Variants in BEND6 observed in about 807,000 individuals in gnomAD.
BEND6 encodes BEN domain containing 6.
A neutral mutation model predicts 31.8 loss-of-function variants in BEND6; 24 were observed. The observed-to-expected ratio is 0.75, with a 90% CI of 0.55 to 1.06. The LOEUF (loss-of-function observed/expected upper bound fraction) is 1.06. Among genes scored for constraint, BEND6 ranks in the 50% least tolerant of loss-of-function variants. The probability of loss-of-function intolerance (pLI) is 0.00; values close to 1 mark genes in which losing one functional copy is unlikely to be tolerated. For missense variants in BEND6, 294 were observed against 327.4 expected (o/e 0.90, Z 0.79); for synonymous variants, 109 against 114.6 (o/e 0.95, Z 0.31).
intron 3 of BEND6, among the ~76,000 whole-genome samples, chr6:56,995,202 ATAC>A (rs1399781044): frequency 6.6e-6 from 1 of 151,538 alleles, no homozygotes; most frequent in Non-Finnish European, 1.5e-5. Context: ...AGTATCAAAC[ATAC>A]TATTATTTCT....
chr6:57,001,441 G>A (rs372960056), intron 3 of BEND6, among the ~76,000 whole-genome samples: 4 of 152,050 alleles, frequency 2.6e-5, no homozygotes, highest in African/African-American at 7.2e-5. Flanking sequence ...GGGATTACAG[G>A]CATGAGCCAC....
At chr6:56,980,391 G>T (rs1826026827) in intron 1 of BEND6, among the ~76,000 whole-genome samples, 1 of 152,160 alleles carries the variant, frequency 6.6e-6, no homozygotes. Flanking sequence ...GTTTCACCAT[G>T]TTGCCTAGGC....
At chr6:56,960,757 G>T (rs1562532643) in intron 1 of BEND6, among the ~76,000 whole-genome samples, 1 of 152,162 alleles carries the variant, frequency 6.6e-6, no homozygotes, top group Non-Finnish European at 1.5e-5. Context: ...ATTAGTAAAA[G>T]ATGTATTAAT....
chr6:56,996,280 C>G (rs138501772), intron 3 of BEND6, among the ~76,000 whole-genome samples: 63 of 152,160 alleles, frequency 4.1e-4, no homozygotes, highest in African/African-American at 1.5e-3. Context: ...AACTCCATCT[C>G]TACTCAAAAT....
intron 1 of BEND6, among the ~76,000 whole-genome samples, chr6:56,962,974 C>G (rs1825342164): frequency 6.6e-6 from 1 of 152,188 alleles, no homozygotes; most frequent in South Asian, 2.1e-4. Flanking sequence ...CTCATTCAAT[C>G]CTCACAGCAG....
chr6:56,991,226 C>A (rs1444912166), intron 2 of BEND6, among the ~76,000 whole-genome samples: 1 of 152,080 alleles, frequency 6.6e-6, no homozygotes, highest in East Asian at 1.9e-4. Flanking sequence ...TTTTTTACTT[C>A]TTTCATAAAG....
intron 3 of BEND6, among the ~76,000 whole-genome samples, chr6:57,012,988 G>A (rs368000312): frequency 1.3e-5 from 2 of 152,260 alleles, no homozygotes; most frequent in African/African-American, 4.8e-5. Context: ...GATGAATCTT[G>A]ACTTCCTCAG....
chr6:56,956,311 T>C (rs1824956191), intron 1 of BEND6, among the ~76,000 whole-genome samples: 1 of 152,204 alleles, frequency 6.6e-6, no homozygotes, highest in South Asian at 2.1e-4. Flanking sequence ...AGGTAAATAA[T>C]TGGGAGGAAT....
chr6:57,020,833 G>GTTTTTTTTTTT (rs74271470), intron 6 of BEND6, among the ~76,000 whole-genome samples: 1 of 137,832 alleles, frequency 7.3e-6, no homozygotes, highest in Non-Finnish European at 1.6e-5. Context: ...CTAAACTCTT[G>GTTTTTTTTTTT]TTTTTTTTTT....
intron 3 of BEND6, among the ~76,000 whole-genome samples, chr6:56,998,402 G>T (rs887050798): frequency 6.6e-6 from 1 of 152,158 alleles, no homozygotes; most frequent in Admixed American, 6.5e-5. Context: ...ATGTGTGTGT[G>T]TGTTAAGTAT....
intron 1 of BEND6, among the ~76,000 whole-genome samples, chr6:56,980,542 G>C (rs1826030731): frequency 6.6e-6 from 1 of 152,184 alleles, no homozygotes; most frequent in South Asian, 2.1e-4. Context: ...TAGGCAAGCT[G>C]TCTGGTATTT....
At chr6:57,022,288 T>C (rs1827775032) in intron 6 of BEND6, among the ~76,000 whole-genome samples, 1 of 151,850 alleles carries the variant, frequency 6.6e-6, no homozygotes. Context: ...CTTTTTATTA[T>C]AATTTTGATC....
intron 1 of BEND6, among the ~76,000 whole-genome samples, chr6:56,980,166 T>C (rs866239570): frequency 1.3e-5 from 2 of 152,176 alleles, no homozygotes; most frequent in Non-Finnish European, 2.9e-5. Context: ...TGCCTCTTGA[T>C]TGCTTTTTCT....
rs528461338 is a variant in BEND6, at chr6:57,015,249, T to C, written c.415T>C (p.Ser139Pro). The change falls in exon 4 of 7, where the codon TCC (serine) becomes CCC (proline). Residue 139 changes from serine to proline, a missense_variant. Physicochemically the swap from Ser to Pro is moderately conservative, Grantham distance 74 (BLOSUM62 -1). Transcript: ENST00000370746. ...ASTLWRATNN[S>P]SPDSFASTCS... ...CACCCTCTGGAGAGCAACAAACAAC[T>C]CCTCGCCAGATTCATTTGCCTCAAC... The C allele has an allele frequency of 3.1e-6, 5 of 1,614,112 alleles. No homozygotes were observed. The highest frequency in any genetic ancestry group is 3.4e-6 in the Non-Finnish European group (4 of 1,180,018).
In BEND6 at chr6:57,004,737, G is replaced by A. The variant is rs1827090897; in HGVS notation, c.299-10396G>A. On this transcript the variant is annotated intron_variant, in intron 3 of 6. Coordinates refer to ENST00000370746, the MANE Select transcript of BEND6 (RefSeq NM_152731.3). Reference sequence around the variant, plus strand: ...CCACTGACAAAAATGACCCCCATTTGTGTGACTTCACTGAGACACATCACC... The same window carrying A: ...CCACTGACAAAAATGACCCCCATTTATGTGACTTCACTGAGACACATCACC... The A allele has an allele frequency of 4.3e-6, 6 of 1,385,294 alleles. No individual in the cohort carries two copies. The Admixed American group carries it at 6.7e-5, about 15-fold the overall frequency. 85.8% of individuals were successfully genotyped at this position (1,385,294 alleles called of 1,614,324 possible).
intron 3 of BEND6, among the ~76,000 whole-genome samples, chr6:57,006,462 G>T (rs1827161660): frequency 6.6e-6 from 1 of 152,204 alleles, no homozygotes; most frequent in Non-Finnish European, 1.5e-5. Context: ...AGTGAGTCCT[G>T]CAAGTCAATC....
At chr6:56,989,165 A>G (rs1826399683) in intron 2 of BEND6, among the ~76,000 whole-genome samples, 1 of 151,188 alleles carries the variant, frequency 6.6e-6, no homozygotes, top group African/African-American at 2.4e-5. Flanking sequence ...TGTGATATAT[A>G]ATCTATATTT....
At chr6:56,973,481 A>G (rs1825763061) in intron 1 of BEND6, among the ~76,000 whole-genome samples, 2 of 152,218 alleles carry the variant, frequency 1.3e-5, no homozygotes, top group South Asian at 4.1e-4. Context: ...TAATTTATTA[A>G]TTAGGCACAG....
At chr6:57,013,504 G>A (rs1827419621) in intron 3 of BEND6, among the ~76,000 whole-genome samples, 1 of 152,160 alleles carries the variant, frequency 6.6e-6, no homozygotes, top group African/African-American at 2.4e-5. Context: ...CTGCACATGT[G>A]GTTGAACTCA....
Sources: gnomAD v4.1 joint callset for allele counts (sites outside exome capture counted in the v4.1 genomes callset) on GRCh38, gnomAD v4.1.1 for gene constraint, MANE v1.5 for transcripts, NCBI Gene and HGNC (gene_info 2026-07-23, HGNC 2026-07-21) for gene names.